LHX8: variants seen among roughly 807,000 people sequenced by gnomAD.
LHX8 encodes the protein LIM homeobox 8.
LHX8 carries 12 observed loss-of-function variants against 40.3 expected under a neutral mutation model. The observed-to-expected ratio is 0.30, with a 90% confidence interval of 0.19 to 0.48. The LOEUF (loss-of-function observed/expected upper bound fraction) is 0.48. Ranked by LOEUF, LHX8 falls within the 20% of genes least tolerant of loss-of-function variation. The probability of loss-of-function intolerance (pLI) is 0.99; values close to 1 mark genes in which losing one functional copy is unlikely to be tolerated. For synonymous variants in LHX8, 179 were observed against 162.0 expected, an observed-to-expected ratio of 1.10 and a Z score of -0.80; for missense variants, 344 against 433.7, an observed-to-expected ratio of 0.79 and a Z score of 1.84.
At chr1:75,193,408 A>G in the LHX8 span, among the ~76,000 whole-genome samples, 1 of 152,134 alleles carries the variant, frequency 6.6e-6, no homozygotes, top group African/African-American at 2.4e-5. Context: ...ATCCTATTCA[A>G]ATGTAGATTC....
At chr1:75,167,549 C>G in the LHX8 span, among the ~76,000 whole-genome samples, 1 of 152,158 alleles carries the variant, frequency 6.6e-6, no homozygotes, top group African/African-American at 2.4e-5. Flanking sequence ...TCCAGGAAGC[C>G]TGCCCTGATT....
At chr1:75,129,720 G>A (rs1647913158), upstream of LHX8, among the ~76,000 whole-genome samples, 1 of 152,158 alleles carries the variant, frequency 6.6e-6, no homozygotes, top group Admixed American at 6.5e-5. Context: ...CTGCCACACT[G>A]GCCGAGTTGG....
At chr1:75,150,449 T>C (rs1265605011) in intron 7 of LHX8, among the ~76,000 whole-genome samples, 1 of 152,094 alleles carries the variant, frequency 6.6e-6, no homozygotes, top group Non-Finnish European at 1.5e-5. Context: ...TGAAATTAGA[T>C]AAGATCCTTT....
At chr1:75,147,792 CAA>C (rs1440526938) in intron 6 of LHX8, among the ~76,000 whole-genome samples, 3 of 152,160 alleles carry the variant, frequency 2.0e-5, no homozygotes, top group Admixed American at 6.6e-5. Context: ...TGAAAGAATT[CAA>C]AGTTTTTGGC....
intron 8 of LHX8, among the ~76,000 whole-genome samples, chr1:75,157,540 T>C (rs1026466617): frequency 6.6e-6 from 1 of 152,224 alleles, no homozygotes; most frequent in African/African-American, 2.4e-5. Flanking sequence ...TCCATATAGA[T>C]ATTGCCCAAA....
intron 7 of LHX8, among the ~76,000 whole-genome samples, chr1:75,154,735 T>A (rs1214446532): frequency 6.6e-6 from 1 of 152,156 alleles, no homozygotes; most frequent in African/African-American, 2.4e-5. Context: ...TGAGTCTCAC[T>A]AACACTCCAG....
chr1:75,168,774 T>C, the LHX8 span, among the ~76,000 whole-genome samples: 1 of 152,128 alleles, frequency 6.6e-6, no homozygotes, highest in African/African-American at 2.4e-5. Context: ...CCAATTCCAG[T>C]CCAGCCTCTT....
At chr1:75,166,723 A>G in the LHX8 span, among the ~76,000 whole-genome samples, 1 of 152,236 alleles carries the variant, frequency 6.6e-6, no homozygotes. Flanking sequence ...AACATGTCTC[A>G]GAAGTCTTGG....
chr1:75,141,036 A>T lies in LHX8; in HGVS notation c.289A>T (p.Thr97Ser). Residue 97 changes from threonine (T) to serine (S), a missense_variant, in exon 4 of 9, where the codon ACC (threonine) becomes TCC (serine). By Grantham distance (58) the Thr-to-Ser change is moderately conservative (BLOSUM62 1). Coordinates refer to ENST00000356261, the MANE Select transcript of LHX8 (RefSeq NM_001256114.2). ...GTGTCTCTCCTGCAGTGTTTGCAGAACCTCCCTAGGAAGGCACACCAGCTG... is the reference window on the plus strand; with the variant it reads ...GTGTCTCTCCTGCAGTGTTTGCAGATCCTCCCTAGGAAGGCACACCAGCTG... ...VRCLSCSVCR[T>S]SLGRHTSCYI... 3 of 1,613,532 alleles carry T rather than the reference A, an allele frequency of 1.9e-6. No individual in the cohort carries two copies. The highest frequency in any genetic ancestry group is 2.5e-6 in the Non-Finnish European group (3 of 1,179,622).
chr1:75,135,574 T>C (rs1332345693), intron 1 of LHX8, among the ~76,000 whole-genome samples: 1 of 152,042 alleles, frequency 6.6e-6, no homozygotes, highest in Non-Finnish European at 1.5e-5. Context: ...AGGCGAACAG[T>C]CAGAAATGCA....
At chr1:75,135,061 C>A in intron 1 of LHX8, 107 bp downstream of exon 1, 1 of 370,254 alleles carries the variant, frequency 2.7e-6, no homozygotes, top group Non-Finnish European at 3.7e-6. Flanking sequence ...TGGCTCGTTT[C>A]GTTCGGCTGC....
the LHX8 span, among the ~76,000 whole-genome samples, chr1:75,185,264 C>T: frequency 2.0e-5 from 3 of 151,926 alleles, no homozygotes; most frequent in African/African-American, 7.2e-5. Flanking sequence ...AGGCCAACAT[C>T]ACCCTGATAC....
At chr1:75,170,831 C>G in the LHX8 span, among the ~76,000 whole-genome samples, 1 of 152,168 alleles carries the variant, frequency 6.6e-6, no homozygotes, top group African/African-American at 2.4e-5. Context: ...CTAATTCACA[C>G]CATATTTGCT....
intron 6 of LHX8, among the ~76,000 whole-genome samples, chr1:75,145,046 A>G (rs1648424293): frequency 6.6e-6 from 1 of 152,114 alleles, no homozygotes; most frequent in South Asian, 2.1e-4. Context: ...ATTCAGAAGA[A>G]TTTTCCAAAT....
chr1:75,148,460 A>T, intron 6 of LHX8, 127 bp from the exon 7 acceptor site: 1 of 718,818 alleles, frequency 1.4e-6, no homozygotes, highest in Non-Finnish European at 2.6e-6. Context: ...ATTTCCCCAT[A>T]CCGATTTTCA....
the LHX8 span, among the ~76,000 whole-genome samples, chr1:75,192,688 C>CTTTT: frequency 4.6e-5 from 7 of 151,760 alleles, no homozygotes; most frequent in African/African-American, 1.7e-4. Context: ...AGGCGCTATG[C>CTTTT]TTTTGTTTGT....
upstream of LHX8, chr1:75,130,680 G>A: frequency 6.2e-7 from 1 of 1,609,464 alleles, no homozygotes; most frequent in Non-Finnish European, 8.5e-7. Context: ...GTCCCAAGGT[G>A]AGCCCGTATA....
the LHX8 span, among the ~76,000 whole-genome samples, chr1:75,194,027 C>A: frequency 3.3e-5 from 5 of 152,272 alleles, no homozygotes; most frequent in Admixed American, 2.0e-4. Flanking sequence ...TGCTTCAAAG[C>A]AGGAAGAACT....
chr1:75,187,470 G>A, the LHX8 span, among the ~76,000 whole-genome samples: 3 of 152,190 alleles, frequency 2.0e-5, no homozygotes, highest in Non-Finnish European at 4.4e-5. Context: ...GGTATAGAAG[G>A]TTCAAGTTGT....
Sources: gnomAD v4.1 joint callset for allele counts (sites outside exome capture counted in the v4.1 genomes callset) on GRCh38, gnomAD v4.1.1 for gene constraint, MANE v1.5 for transcripts, NCBI Gene and HGNC (gene_info 2026-07-23, HGNC 2026-07-21) for gene names.